WDR49: variants seen among roughly 807,000 people sequenced by gnomAD.
WDR49 encodes the protein WD repeat domain 49, also known as cilia- and flagella-associated protein 337.
A neutral mutation model predicts 119.5 loss-of-function variants in WDR49; 107 were observed. The observed-to-expected ratio is 0.90, with a 90% CI of 0.77 to 1.05. The LOEUF (loss-of-function observed/expected upper bound fraction) is 1.05, where lower values mean the gene tolerates loss of function less well. Among genes scored for constraint, WDR49 ranks in the 50% least tolerant of loss-of-function variants. The pLI is 0.00. For missense variants in WDR49, 1,240 were observed against 1,220.5 expected (o/e 1.02, Z -0.24); for synonymous variants, 425 against 418.8 (o/e 1.01, Z -0.18).
intron 5 of WDR49, among the ~76,000 whole-genome samples, chr3:167,609,330 G>A (rs1228600932): frequency 2.6e-5 from 4 of 152,014 alleles, no homozygotes; most frequent in East Asian, 1.9e-4. Context: ...AATCACCAAC[G>A]CCCACCCTTC....
intron 7 of WDR49, among the ~76,000 whole-genome samples, chr3:167,580,448 CA>C (rs1455241827): frequency 6.6e-6 from 1 of 152,140 alleles, no homozygotes; most frequent in East Asian, 1.9e-4. Flanking sequence ...GGCCCTTTCC[CA>C]GACCGATTAA....
At chr3:167,526,389 C>T (rs1407111403) in intron 15 of WDR49, among the ~76,000 whole-genome samples, 1 of 152,116 alleles carries the variant, frequency 6.6e-6, no homozygotes, top group African/African-American at 2.4e-5. Flanking sequence ...TTAGGTCACC[C>T]ACTTGATGAC....
At chr3:167,646,444 AAT>A (rs1172862961) in intron 2 of WDR49, among the ~76,000 whole-genome samples, 2 of 152,148 alleles carry the variant, frequency 1.3e-5, no homozygotes, top group African/African-American at 4.8e-5. Context: ...CCTTGCCACA[AAT>A]ATATGTCCAG....
At chr3:167,617,746 C>T (rs1298592962) in intron 5 of WDR49, among the ~76,000 whole-genome samples, 1 of 152,104 alleles carries the variant, frequency 6.6e-6, no homozygotes, top group Admixed American at 6.6e-5. Flanking sequence ...CCTAAGATGG[C>T]TTACCATTCC....
chr3:167,638,755 T>C (rs531597410), intron 2 of WDR49, among the ~76,000 whole-genome samples: 2 of 151,740 alleles, frequency 1.3e-5, no homozygotes, highest in African/African-American at 2.4e-5. Context: ...TAGAATTTAA[T>C]TTTCATTTAT....
At chr3:167,518,388 G>A (rs557524976) in intron 16 of WDR49, among the ~76,000 whole-genome samples, 9 of 152,104 alleles carry the variant, frequency 5.9e-5, no homozygotes, top group African/African-American at 9.6e-5. Context: ...CATCCTCTCC[G>A]GCTCCTGTTG....
intron 1 of WDR49, 112 bp downstream of exon 1, chr3:167,653,718 GATTA>G (rs1391179540): frequency 9.1e-6 from 2 of 219,994 alleles, no homozygotes; most frequent in Non-Finnish European, 1.8e-5. Context: ...AACCTGGCTT[GATTA>G]AAAATGTGTA....
At chr3:167,507,882 T>C (rs1210859056) in intron 16 of WDR49, among the ~76,000 whole-genome samples, 3 of 152,174 alleles carry the variant, frequency 2.0e-5, no homozygotes, top group Admixed American at 6.5e-5. Flanking sequence ...ACTCTGAAAA[T>C]GCACAGGGAA....
chr3:167,548,643 G>C (rs1712353207), intron 10 of WDR49, among the ~76,000 whole-genome samples: 1 of 151,790 alleles, frequency 6.6e-6, no homozygotes, highest in African/African-American at 2.4e-5. Flanking sequence ...ATCTTTACAG[G>C]CTCACAGGGA....
intron 7 of WDR49, among the ~76,000 whole-genome samples, chr3:167,589,054 C>A (rs961902662): frequency 6.6e-6 from 1 of 151,998 alleles, no homozygotes; most frequent in African/African-American, 2.4e-5. Context: ...TTTTATTTAG[C>A]AGATTCATAG....
At chr3:167,490,574 G>A (rs373302764) in intron 18 of WDR49, among the ~76,000 whole-genome samples, 10 of 151,770 alleles carry the variant, frequency 6.6e-5, no homozygotes, top group African/African-American at 1.7e-4. Flanking sequence ...TTTCTTTACC[G>A]GTGCTAGATT....
chr3:167,577,000 G>A (rs949800554), intron 7 of WDR49, among the ~76,000 whole-genome samples: 1 of 152,014 alleles, frequency 6.6e-6, no homozygotes, highest in Non-Finnish European at 1.5e-5. Context: ...AATAAAAGAA[G>A]TGGCATTAAA....
rs185663473 is a variant in WDR49 at position 167,494,864 on chromosome 3, C to T, written c.3031+5289G>A. ...TAATGTTTTCTGCAGTTTTGCAGTA[C>T]GTGGGAGACAATACCCCACTAAAAG... On this transcript the variant is annotated intron_variant, in intron 18 of 18. Coordinates refer to ENST00000682715, the MANE Select transcript of WDR49 (RefSeq NM_001366157.1). 6.6e-5 allele frequency among the ~76,000 whole-genome samples: 10 copies of T among 152,078 alleles called. No individual in the cohort carries two copies. In the East Asian group the frequency reaches 7.8e-4, roughly 12 times the overall value.
upstream of WDR49, among the ~76,000 whole-genome samples, chr3:167,654,400 T>C (rs1341902926): frequency 1.3e-5 from 2 of 152,142 alleles, no homozygotes; most frequent in Non-Finnish European, 2.9e-5. Context: ...TAACATAATA[T>C]GATAAATCTA....
intron 7 of WDR49, among the ~76,000 whole-genome samples, chr3:167,599,188 G>A (rs569710322): frequency 2.0e-5 from 3 of 152,238 alleles, no homozygotes; most frequent in African/African-American, 7.2e-5. Flanking sequence ...GTTCCCTCAG[G>A]TCCCAGGCAG....
At chr3:167,503,431 T>A (rs1751651765) in intron 17 of WDR49, among the ~76,000 whole-genome samples, 1 of 152,152 alleles carries the variant, frequency 6.6e-6, no homozygotes, top group African/African-American at 2.4e-5. Flanking sequence ...AAGCCTCTTG[T>A]TGTCTGACCT....
intron 10 of WDR49, among the ~76,000 whole-genome samples, chr3:167,537,727 G>A (rs139558811): frequency 1.4e-4 from 22 of 152,162 alleles, no homozygotes; most frequent in African/African-American, 4.6e-4. Context: ...CATTGTTGGG[G>A]CATTAATACC....
At chr3:167,480,442 A>G (rs1168607500) in intron 18 of WDR49, among the ~76,000 whole-genome samples, 1 of 152,136 alleles carries the variant, frequency 6.6e-6, no homozygotes. Flanking sequence ...GAATGACTTT[A>G]CAGTATAGTG....
chr3:167,484,824 G>A (rs1750862904), intron 18 of WDR49, among the ~76,000 whole-genome samples: 1 of 151,708 alleles, frequency 6.6e-6, no homozygotes, highest in South Asian at 2.1e-4. Flanking sequence ...AATACCATTT[G>A]ACTCAGCAAT....
Sources: gnomAD v4.1 joint callset for allele counts (sites outside exome capture counted in the v4.1 genomes callset) on GRCh38, gnomAD v4.1.1 for gene constraint, MANE v1.5 for transcripts, NCBI Gene and HGNC (gene_info 2026-07-23, HGNC 2026-07-21) for gene names.